LUZP2: variants seen among roughly 807,000 people sequenced by gnomAD.
The protein encoded by LUZP2 is leucine zipper protein 2.
A neutral mutation model predicts 51.6 loss-of-function variants in LUZP2; 52 were observed. That is an observed-to-expected ratio of 1.01 (90% CI 0.81 to 1.27). LUZP2 has a LOEUF of 1.27. Ranked by LOEUF, LUZP2 falls within the 50% of genes most tolerant of loss-of-function variation. The probability of loss-of-function intolerance (pLI) is 0.00; values close to 1 mark genes in which losing one functional copy is unlikely to be tolerated. For synonymous variants in LUZP2, 154 were observed against 137.3 expected, an observed-to-expected ratio of 1.12 and a Z score of -0.85; for missense variants, 436 against 395.4, an observed-to-expected ratio of 1.10 and a Z score of -0.87.
chr11:24,799,543 A>T (rs1368759929), intron 5 of LUZP2, among the ~76,000 whole-genome samples: 3 of 151,258 alleles, frequency 2.0e-5, no homozygotes, highest in Non-Finnish European at 2.9e-5. Flanking sequence ...GTGAGCCAAG[A>T]CCACACCATT....
chr11:24,584,052 C>A (rs1240434973), intron 1 of LUZP2, among the ~76,000 whole-genome samples: 2 of 152,006 alleles, frequency 1.3e-5, no homozygotes, highest in African/African-American at 4.8e-5. Context: ...TTATTTTATT[C>A]TTTCATTAAT....
intron 4 of LUZP2, among the ~76,000 whole-genome samples, chr11:24,754,238 C>T (rs568291292): frequency 6.6e-6 from 1 of 152,282 alleles, no homozygotes; most frequent in African/African-American, 2.4e-5. Flanking sequence ...CTCAAGCAAT[C>T]CTTCTACCTT....
At chr11:24,899,983 T>C (rs1565079165) in intron 5 of LUZP2, among the ~76,000 whole-genome samples, 1 of 152,198 alleles carries the variant, frequency 6.6e-6, no homozygotes, top group Non-Finnish European at 1.5e-5. Context: ...TTTTGTTATA[T>C]ATATTTAATG....
chr11:24,699,411 A>C (rs1857352698), intron 1 of LUZP2, among the ~76,000 whole-genome samples: 1 of 152,062 alleles, frequency 6.6e-6, no homozygotes, highest in South Asian at 2.1e-4. Flanking sequence ...GTTCCTTCAT[A>C]TTTGAAATAC....
At chr11:24,866,448 G>A (rs1282396864) in intron 5 of LUZP2, among the ~76,000 whole-genome samples, 1 of 152,072 alleles carries the variant, frequency 6.6e-6, no homozygotes, top group Admixed American at 6.6e-5. Flanking sequence ...TTTCTAAGGG[G>A]AAACTGCTCA....
intron 5 of LUZP2, among the ~76,000 whole-genome samples, chr11:24,825,019 C>G (rs1850481740): frequency 6.6e-6 from 1 of 151,954 alleles, no homozygotes; most frequent in Admixed American, 6.6e-5. Context: ...AACATAAACA[C>G]AAACATATAT....
intron 1 of LUZP2, among the ~76,000 whole-genome samples, chr11:24,715,263 A>ATGTGTGTGTGTGTG (rs58368050): frequency 0.051 from 6,842 of 133,222 alleles, 289 homozygotes; most frequent in East Asian, 0.08. Context: ...AGGAGCAACT[A>ATGTGTGTGTGTGTG]TGTGTGTGTG....
intron 7 of LUZP2, among the ~76,000 whole-genome samples, chr11:24,942,358 T>C (rs1369741623): frequency 6.6e-6 from 1 of 152,200 alleles, no homozygotes; most frequent in African/African-American, 2.4e-5. Context: ...CCTGCTTTCC[T>C]GGCAATACTT....
chr11:24,997,734 A>T (rs538591957), intron 9 of LUZP2, among the ~76,000 whole-genome samples: 4 of 152,046 alleles, frequency 2.6e-5, no homozygotes, highest in Non-Finnish European at 5.9e-5. Context: ...GTTTTCTTCT[A>T]GGGTTTTTAT....
intron 5 of LUZP2, among the ~76,000 whole-genome samples, chr11:24,899,443 A>T: frequency 6.6e-6 from 1 of 152,164 alleles, no homozygotes; most frequent in South Asian, 2.1e-4. Flanking sequence ...GAGGTTGTAA[A>T]CAAAACCTGA....
intron 5 of LUZP2, among the ~76,000 whole-genome samples, chr11:24,833,023 C>T (rs1158920760): frequency 1.3e-5 from 2 of 152,144 alleles, no homozygotes; most frequent in Non-Finnish European, 2.9e-5. Context: ...GCTTCCCTGA[C>T]TTTAAAATGA....
At chr11:24,630,491 T>C (rs1009075186) in intron 1 of LUZP2, among the ~76,000 whole-genome samples, 1 of 152,014 alleles carries the variant, frequency 6.6e-6, no homozygotes, top group Non-Finnish European at 1.5e-5. Context: ...CAAAGATTAG[T>C]TGGCTTTAAA....
chr11:24,897,119 T>A (rs1853090380), intron 5 of LUZP2, among the ~76,000 whole-genome samples: 1 of 152,182 alleles, frequency 6.6e-6, no homozygotes, highest in Admixed American at 6.5e-5. Context: ...TACCTCTGGC[T>A]AGAGGATTGT....
At chr11:24,703,333 A>T (rs1408039457) in intron 1 of LUZP2, among the ~76,000 whole-genome samples, 1 of 152,188 alleles carries the variant, frequency 6.6e-6, no homozygotes, top group Non-Finnish European at 1.5e-5. Flanking sequence ...TGGTCTGGGT[A>T]GACTCTTACT....
At chr11:24,989,369 T>C (rs1411322430) in intron 9 of LUZP2, among the ~76,000 whole-genome samples, 2 of 152,086 alleles carry the variant, frequency 1.3e-5, no homozygotes, top group Admixed American at 6.6e-5. Flanking sequence ...TCCTAAAGAC[T>C]GTCAGTTTCT....
intron 1 of LUZP2, among the ~76,000 whole-genome samples, chr11:24,614,046 C>T (rs1008778861): frequency 1.3e-5 from 2 of 151,950 alleles, no homozygotes; most frequent in Admixed American, 1.3e-4. Flanking sequence ...ACTCTAAACT[C>T]ATTCATTGTC....
intron 5 of LUZP2, among the ~76,000 whole-genome samples, chr11:24,817,637 G>A (rs1216406609): frequency 6.6e-6 from 1 of 152,018 alleles, no homozygotes; most frequent in Non-Finnish European, 1.5e-5. Context: ...CTCTGATAGT[G>A]AGAATTTACT....
At chr11:24,519,103 C>T (rs948120574) in intron 1 of LUZP2, among the ~76,000 whole-genome samples, 14 of 152,186 alleles carry the variant, frequency 9.2e-5, no homozygotes, top group African/African-American at 3.4e-4. Context: ...TAAACTTAGA[C>T]ACTGTTATCC....
At chr11:24,626,678 C>T (rs1386420700) in intron 1 of LUZP2, among the ~76,000 whole-genome samples, 1 of 152,154 alleles carries the variant, frequency 6.6e-6, no homozygotes, top group African/African-American at 2.4e-5. Flanking sequence ...AAGGAAAATA[C>T]TATTGTGAAT....
Sources: gnomAD v4.1 joint callset for allele counts (sites outside exome capture counted in the v4.1 genomes callset) on GRCh38, gnomAD v4.1.1 for gene constraint, MANE v1.5 for transcripts, NCBI Gene and HGNC (gene_info 2026-07-23, HGNC 2026-07-21) for gene names.